Variants in OPCML observed in about 807,000 individuals in gnomAD.
OPCML encodes opioid-binding protein/cell adhesion molecule.
A neutral mutation model predicts 37.8 loss-of-function variants in OPCML; 13 were observed. The ratio of observed to expected loss-of-function variants is 0.34; its 90% CI spans 0.22 to 0.55. The LOEUF is 0.55. Ranked by LOEUF, OPCML falls within the 20% of genes least tolerant of loss-of-function variation. The pLI, the probability that OPCML is intolerant of heterozygous loss-of-function variation, is 0.91. For missense variants in OPCML, 341 were observed against 435.6 expected, an observed-to-expected ratio of 0.78 and a Z score of 1.93; for synonymous variants, 176 against 168.8, an observed-to-expected ratio of 1.04 and a Z score of -0.33.
intron 1 of OPCML, among the ~76,000 whole-genome samples, chr11:133,244,165 G>A (rs924090062): frequency 1.3e-5 from 2 of 152,210 alleles, no homozygotes; most frequent in African/African-American, 4.8e-5. Flanking sequence ...ACAGGCTTTG[G>A]CATCAGACTA....
rs567572513 is a variant in OPCML at position 132,722,117 on chromosome 11, G to C, written c.147-64798C>G. On this transcript the variant is annotated intron_variant, in intron 2 of 7. Coordinates refer to ENST00000524381, the MANE Select transcript of OPCML (RefSeq NM_001012393.5). ...ACTACAGACACCCACCATCATGCCT[G>C]GCTAATTTTTTGTATTTTTAGTAGA... Among the ~76,000 whole-genome samples, 3 of 151,548 alleles carry C rather than the reference G, an allele frequency of 2.0e-5. No individual in the cohort carries two copies. In the South Asian group the frequency reaches 6.3e-4, roughly 32 times the overall value.
intron 2 of OPCML, among the ~76,000 whole-genome samples, chr11:132,740,353 G>A (rs1001008311): frequency 3.3e-5 from 5 of 152,224 alleles, no homozygotes; most frequent in South Asian, 2.1e-4. Context: ...CACATCTTCC[G>A]CCTGGCATAT....
intron 1 of OPCML, among the ~76,000 whole-genome samples, chr11:133,447,029 T>C (rs1310203306): frequency 1.3e-5 from 2 of 152,222 alleles, no homozygotes; most frequent in Non-Finnish European, 2.9e-5. Flanking sequence ...TATCTTTTCA[T>C]TTATCTTAGA....
intron 2 of OPCML, among the ~76,000 whole-genome samples, chr11:132,708,358 T>TC (rs895626249): frequency 3.0e-4 from 45 of 152,256 alleles, no homozygotes; most frequent in African/African-American, 1.0e-3. Flanking sequence ...CTCTTTGTAA[T>TC]CCCCCAAATG....
chr11:133,008,098 A>T (rs1591905667), intron 1 of OPCML: 1 of 985,278 alleles, frequency 1.0e-6, no homozygotes, highest in Non-Finnish European at 1.2e-6. Context: ...CAAGGTTTTC[A>T]CCTTCTACTA....
chr11:133,232,736 CAT>C (rs979650849), intron 1 of OPCML, among the ~76,000 whole-genome samples: 1 of 152,084 alleles, frequency 6.6e-6, no homozygotes, highest in African/African-American at 2.4e-5. Context: ...ATCACAACTT[CAT>C]AAATGTTTCA....
intron 3 of OPCML, among the ~76,000 whole-genome samples, chr11:132,587,692 C>T (rs1017454645): frequency 1.3e-5 from 2 of 152,192 alleles, no homozygotes; most frequent in Non-Finnish European, 1.5e-5. Flanking sequence ...GAACATAGGG[C>T]CATGAGAATT....
In OPCML at chr11:132,652,381, CACACAGAG is replaced by C. The variant is rs1328645100; in HGVS notation, c.379+4698_379+4705del. Among the ~76,000 whole-genome samples, 183 of 150,548 alleles carry C rather than the reference CACACAGAG, an allele frequency of 1.2e-3. 3 individuals are homozygous for C. The highest frequency in any genetic ancestry group is 4.4e-3 in the African/African-American group (180 of 40,750). On this transcript the variant is annotated intron_variant, in intron 3 of 7. Coordinates refer to ENST00000524381, the MANE Select transcript of OPCML (RefSeq NM_001012393.5). ...ACACACACACACACACACACACACA[CACACAGAG>C]AGAGAAATCCTGAAAATGTTCCATT...
rs185445204 is a variant in OPCML, at chr11:132,656,538, A to G, written c.379+549T>C. On this transcript the variant is annotated intron_variant, in intron 3 of 7. Transcript: ENST00000524381. Reference sequence around the variant, plus strand: ...TTAACCTGCAGATATCATTCTGACTAATATCCCTCTTGGATCTGGACTTCA... The same window carrying G: ...TTAACCTGCAGATATCATTCTGACTGATATCCCTCTTGGATCTGGACTTCA... Among the ~76,000 whole-genome samples the G allele has an allele frequency of 1.4e-4, 21 of 152,282 alleles. 2 individuals are homozygous for G. In the East Asian group the frequency reaches 3.9e-3, roughly 28 times the overall value.
chr11:132,452,013 A>G (rs1286126499), intron 4 of OPCML, among the ~76,000 whole-genome samples: 2 of 151,960 alleles, frequency 1.3e-5, no homozygotes, highest in Non-Finnish European at 2.9e-5. Flanking sequence ...GTTCAATGTC[A>G]CGCTCCTCCA....
chr11:132,837,183 GCATGC>G (rs1286537621), intron 2 of OPCML, among the ~76,000 whole-genome samples: 1 of 152,066 alleles, frequency 6.6e-6, no homozygotes, highest in Admixed American at 6.5e-5. Flanking sequence ...GAGTGGTGGT[GCATGC>G]CTGTAATTAC....
chr11:132,550,287 T>C (rs1251887170), intron 3 of OPCML, among the ~76,000 whole-genome samples: 1 of 152,142 alleles, frequency 6.6e-6, no homozygotes, highest in African/African-American at 2.4e-5. Context: ...GTGTTGGAGG[T>C]GGGGCCTGGT....
intron 2 of OPCML, among the ~76,000 whole-genome samples, chr11:132,916,925 T>G (rs1944626498): frequency 6.6e-6 from 1 of 152,178 alleles, no homozygotes; most frequent in Non-Finnish European, 1.5e-5. Flanking sequence ...TAAGGCAGCA[T>G]GAGTCTTCCC....
At chr11:132,702,722 C>T (rs1334822529) in intron 2 of OPCML, among the ~76,000 whole-genome samples, 1 of 152,030 alleles carries the variant, frequency 6.6e-6, no homozygotes, top group Non-Finnish European at 1.5e-5. Context: ...CGATGGTGTC[C>T]CATAAGTCCC....
intron 1 of OPCML, among the ~76,000 whole-genome samples, chr11:133,077,348 C>T (rs1165325992): frequency 6.6e-6 from 1 of 151,874 alleles, no homozygotes; most frequent in African/African-American, 2.4e-5. Flanking sequence ...GTGGGCTCGG[C>T]GTGATACCTT....
chr11:132,694,179 CTTTTTTTTTTTTTTTTTTTTTTTTT>C (rs1162305568), intron 2 of OPCML, among the ~76,000 whole-genome samples: 3 of 42,978 alleles, frequency 7.0e-5, no homozygotes, highest in African/African-American at 9.1e-5. Flanking sequence ...AAATCAATGT[CTTTTTTTTTTTTTTTTTTTTTTTTT>C]TTTTTTTTTT....
chr11:132,420,160 G>C lies in OPCML; in HGVS notation c.*33C>G. Reference sequence around the variant, plus strand: ...AGATTAAAGTCTGTGATATGGAGAAGCAGGCGTTGCTCAGAGGACCTAGGA... The same window carrying C: ...AGATTAAAGTCTGTGATATGGAGAACCAGGCGTTGCTCAGAGGACCTAGGA... On this transcript the variant is annotated 3_prime_UTR_variant, in exon 8 of 8. Coordinates refer to ENST00000524381, the MANE Select transcript of OPCML (RefSeq NM_001012393.5). 2 of 1,585,988 alleles carry C rather than the reference G, an allele frequency of 1.3e-6. No individual in the cohort carries two copies. The highest frequency in any genetic ancestry group is 1.7e-6 in the Non-Finnish European group (2 of 1,155,158).
chr11:133,025,497 T>C, intron 1 of OPCML: 1 of 984,916 alleles, frequency 1.0e-6, no homozygotes, highest in Non-Finnish European at 1.2e-6. Flanking sequence ...GTCAGTCGGC[T>C]CTCTCAGGAA....
intron 2 of OPCML, among the ~76,000 whole-genome samples, chr11:132,907,328 C>G (rs1190771198): frequency 6.6e-6 from 1 of 152,076 alleles, no homozygotes; most frequent in East Asian, 1.9e-4. Context: ...GAATGCTTTT[C>G]CTCCTCCATT....
Sources: allele counts gnomAD v4.1 joint callset (sites outside exome capture counted in the v4.1 genomes callset), GRCh38; gene constraint gnomAD v4.1.1; transcripts MANE v1.5; gene names NCBI Gene and HGNC (gene_info 2026-07-23, HGNC 2026-07-21).